The following RUFY1 variants were observed in gnomAD, a reference collection of about 807,000 sequenced individuals.
RUFY1 encodes the protein RUN and FYVE domain-containing protein 1.
A neutral mutation model predicts 94.6 loss-of-function variants in RUFY1; 54 were observed. That is an observed-to-expected ratio of 0.57 (90% confidence interval 0.46 to 0.72). The LOEUF is 0.72. RUFY1 is among the 30% of genes least tolerant of loss of function. RUFY1 has a pLI of 0.00. For synonymous variants in RUFY1, 396 were observed against 347.3 expected (o/e 1.14, Z -1.56); for missense variants, 883 against 883.9 (o/e 1.00, Z 0.01).
At chr5:179,577,544 C>T (rs1401767123) in intron 6 of RUFY1, among the ~76,000 whole-genome samples, 3 of 146,146 alleles carry the variant, frequency 2.1e-5, no homozygotes, top group Non-Finnish European at 4.5e-5. Flanking sequence ...CGGAAATTGC[C>T]GAAGACTAGC....
At chr5:179,597,902 G>A (rs887039195) in intron 13 of RUFY1, among the ~76,000 whole-genome samples, 3 of 152,036 alleles carry the variant, frequency 2.0e-5, no homozygotes, top group African/African-American at 7.2e-5. Flanking sequence ...GTAGAAAGCA[G>A]AATGAGGCCG....
intron 10 of RUFY1, 117 bp downstream of exon 10, chr5:179,591,858 C>A: frequency 1.6e-6 from 1 of 609,732 alleles, no homozygotes; most frequent in Non-Finnish European, 2.7e-6. Context: ...AGAAGCTGTT[C>A]ATTAAAAAAA....
intron 5 of RUFY1, chr5:179,572,615 C>G (rs1239587447): frequency 4.6e-6 from 1 of 217,258 alleles, no homozygotes; most frequent in Non-Finnish European, 9.7e-6. Context: ...GGATGAGGCT[C>G]TGCAGCTGGT....
intron 15 of RUFY1, among the ~76,000 whole-genome samples, chr5:179,603,365 C>T (rs1766655123): frequency 1.3e-5 from 2 of 152,180 alleles, no homozygotes; most frequent in South Asian, 4.1e-4. Context: ...CGCCGTCTCT[C>T]CTGTGCCTCT....
At chr5:179,582,291 C>T (rs556537081) in intron 7 of RUFY1, among the ~76,000 whole-genome samples, 3 of 152,122 alleles carry the variant, frequency 2.0e-5, no homozygotes, top group Admixed American at 6.5e-5. Context: ...GTGGTACAAT[C>T]GTGGCTCACT....
In RUFY1 at chr5:179,596,349, G is replaced by A; in HGVS notation, c.1512-213G>A. ...GCCAAAGCCATATTGTTGCAGGACA[G>A]ATGAGTGGTTGCCAGGGGCTGAGGT... On this transcript the variant is annotated intron_variant, in intron 12 of 17. Coordinates refer to ENST00000319449, the MANE Select transcript of RUFY1 (RefSeq NM_025158.5). 5.9e-6 allele frequency: 4 copies of A among 673,618 alleles called. No homozygotes were observed. In the South Asian group the frequency reaches 6.7e-5, roughly 11 times the overall value. 41.7% of individuals were successfully genotyped at this position (673,618 alleles called of 1,614,324 possible).
chr5:179,561,339 G>C (rs1762439739), intron 2 of RUFY1, among the ~76,000 whole-genome samples: 1 of 152,072 alleles, frequency 6.6e-6, no homozygotes, highest in Non-Finnish European at 1.5e-5. Context: ...AGGGAGAGGA[G>C]GGGAGGACAT....
chr5:179,591,554 T>C, intron 9 of RUFY1, 71 bp from the exon 10 acceptor site: 1 of 935,248 alleles, frequency 1.1e-6, no homozygotes, highest in South Asian at 1.5e-5. Flanking sequence ...TGTGGTATAT[T>C]TTGAAATACT....
At chr5:179,599,301 T>G in intron 14 of RUFY1, 1 of 155,192 alleles carries the variant, frequency 6.4e-6, no homozygotes, top group South Asian at 2.0e-4. Context: ...ACAGGATCCG[T>G]TCTGTTTGCG....
At chr5:179,560,750 A>AG (rs1491301273) in intron 2 of RUFY1, among the ~76,000 whole-genome samples, 3 of 151,458 alleles carry the variant, frequency 2.0e-5, no homozygotes, top group African/African-American at 7.3e-5. Flanking sequence ...AAAAGAAAAA[A>AG]GAAAAAAAAG....
At chr5:179,591,590 C>T in intron 9 of RUFY1, 35 bp from the exon 10 acceptor site, 1 of 1,316,120 alleles carries the variant, frequency 7.6e-7, no homozygotes, top group African/African-American at 1.5e-5. Context: ...TTTCCATAAG[C>T]AAACAATTCC....
At chr5:179,552,568 C>T (rs1440538929) in intron 1 of RUFY1, among the ~76,000 whole-genome samples, 2 of 152,182 alleles carry the variant, frequency 1.3e-5, no homozygotes, top group Non-Finnish European at 2.9e-5. Flanking sequence ...TAGCTTGACA[C>T]CTTTTCCCGA....
Position 179,550,629 on chromosome 5 carries a change from G to C in RUFY1, c.60G>C (p.Leu20=). ...GGGGGCGGGAGCTGGAGCCGGAGCT[G>C]GAGCCGGGGCCGGGGCCCGGGTCAG... ...AGRGRELEPE[L]EPGPGPGSAL... is the part of the protein sequence containing the mutation. Residue 20 remains leucine (L), a synonymous_variant, in exon 1 of 18, where the codon CTG becomes CTC. Coordinates refer to ENST00000319449, the MANE Select transcript of RUFY1 (RefSeq NM_025158.5). 1.5e-6 allele frequency: 2 copies of C among 1,375,196 alleles called. No homozygotes were observed. Among genetic ancestry groups the C allele is most frequent in the Non-Finnish European group, 1.9e-6 (2 of 1,072,792 alleles). The allele number at this position is 1,375,196 out of a possible 1,614,324, so 85.2% of individuals were successfully genotyped here.
chr5:179,555,193 G>A (rs867494546), intron 1 of RUFY1, among the ~76,000 whole-genome samples: 1 of 151,988 alleles, frequency 6.6e-6, no homozygotes, highest in Non-Finnish European at 1.5e-5. Flanking sequence ...TAACATGCTG[G>A]CGGGGTGCAG....
chr5:179,586,235 A>G (rs940467622), intron 8 of RUFY1: 12 of 441,442 alleles, frequency 2.7e-5, no homozygotes, highest in Admixed American at 2.5e-4. Context: ...AGACTCTGTC[A>G]TAAGGAATAA....
chr5:179,578,129 A>G (rs180795228), intron 6 of RUFY1, among the ~76,000 whole-genome samples: 389 of 152,272 alleles, frequency 2.6e-3, no homozygotes, highest in African/African-American at 8.6e-3. Context: ...TTGCTTTACC[A>G]TTGGTCAAAT....
chr5:179,555,911 C>G, intron 1 of RUFY1: 1 of 210,022 alleles, frequency 4.8e-6, no homozygotes, highest in South Asian at 5.2e-5. Context: ...AACTCCTGAC[C>G]TCAAGTGACC....
intron 8 of RUFY1, among the ~76,000 whole-genome samples, chr5:179,588,936 G>T (rs1764823704): frequency 6.6e-6 from 1 of 151,896 alleles, no homozygotes; most frequent in African/African-American, 2.4e-5. Context: ...TCACCATGTT[G>T]CCCAGGCTGG....
chr5:179,564,180 C>T (rs534547865), intron 3 of RUFY1, among the ~76,000 whole-genome samples: 6 of 144,960 alleles, frequency 4.1e-5, no homozygotes, highest in African/African-American at 1.5e-4. Flanking sequence ...AATGCAGTGG[C>T]GTGATCTCGG....
Sources: gnomAD v4.1 joint callset for allele counts (sites outside exome capture counted in the v4.1 genomes callset) on GRCh38, gnomAD v4.1.1 for gene constraint, MANE v1.5 for transcripts, NCBI Gene and HGNC (gene_info 2026-07-23, HGNC 2026-07-21) for gene names.